Variants in KDSR observed in about 807,000 individuals in gnomAD.
KDSR encodes the protein 3-ketodihydrosphingosine reductase.
A neutral mutation model predicts 41.3 loss-of-function variants in KDSR; 23 were observed. That is an observed-to-expected ratio of 0.56 (90% CI 0.40 to 0.79). KDSR has a LOEUF of 0.79. Ranked by LOEUF, KDSR falls within the 30% of genes least tolerant of loss-of-function variation. The pLI is 0.00. For missense variants in KDSR, 351 were observed against 416.8 expected, an observed-to-expected ratio of 0.84 and a Z score of 1.37; for synonymous variants, 138 against 151.7, an observed-to-expected ratio of 0.91 and a Z score of 0.66.
At chr18:63,365,423 A>G (rs1210510137) in intron 1 of KDSR, among the ~76,000 whole-genome samples, 1 of 152,246 alleles carries the variant, frequency 6.6e-6, no homozygotes, top group East Asian at 1.9e-4. Flanking sequence ...TTATGACATT[A>G]AAAAAGAAGA....
At position 63,328,832 on chromosome 18, in the gene KDSR, T is replaced by A. The variant is rs1267611298; in HGVS notation, c.*2950A>T. The A allele has an allele frequency of 1.1e-5, 2 of 185,576 alleles. No homozygotes were observed. The highest frequency in any genetic ancestry group is 2.3e-5 in the Non-Finnish European group (2 of 87,784). The allele number at this position is 185,576 out of a possible 1,614,324, so 11.5% of individuals were successfully genotyped here. A position where few individuals can be genotyped will look rare whatever the true frequency, so the allele number is the denominator to read the frequency against. On this transcript the variant is annotated 3_prime_UTR_variant, in exon 10 of 10. Coordinates refer to ENST00000645214, the MANE Select transcript of KDSR (RefSeq NM_002035.4). ...TTTTAATATACTTGCAAATACATTATAATAAAATAATACAACCAAATCAAA... is the reference window on the plus strand; with the variant it reads ...TTTTAATATACTTGCAAATACATTAAAATAAAATAATACAACCAAATCAAA...
Position 63,331,880 on chromosome 18 carries a change from G to A in KDSR, c.901C>T (p.Arg301Cys), listed in dbSNP as rs750015953. 9.9e-6 allele frequency: 16 copies of A among 1,613,666 alleles called. No homozygotes were observed. The highest frequency in any genetic ancestry group is 2.2e-5 in the East Asian group (1 of 44,904). The stretch of plus-strand genomic sequence containing the variant: ...CCAAGGTAAAACAAAGCAATAGTGC[G>A]GAAAAGGCCCATGGTGACCACCTGC... ...LQQVVTMGLF[R>C]TIALFYLGSF... Residue 301 changes from arginine (R) to cysteine (C), a missense_variant, in exon 10 of 10, where the codon CGC (arginine) becomes TGC (cysteine). Transcript: ENST00000645214.
At chr18:63,355,471 T>G in intron 4 of KDSR, 27 bp downstream of exon 4, 1 of 1,613,584 alleles carries the variant, frequency 6.2e-7, no homozygotes, top group Non-Finnish European at 8.5e-7. Flanking sequence ...AGCACATTGG[T>G]GAATTCCAAT....
intron 6 of KDSR, among the ~76,000 whole-genome samples, chr18:63,350,353 C>A (rs1222617904): frequency 2.6e-5 from 4 of 152,178 alleles, no homozygotes; most frequent in Non-Finnish European, 4.4e-5. Context: ...CCCAACAATT[C>A]TTTAAGATAT....
rs1913875417 is a variant in KDSR, at chr18:63,328,462, C to G, written c.*3320G>C. ...CTGCCTCCTGGGTTCAAGCGATTCT[C>G]CTGCCTCAGCCTCCTGAGTAGCTGG... On this transcript the variant is annotated 3_prime_UTR_variant, in exon 10 of 10. Transcript: ENST00000645214. 6.4e-6 allele frequency: 1 copy of G among 155,210 alleles called. No homozygotes were observed. The highest frequency in any genetic ancestry group is 2.4e-5 in the African/African-American group (1 of 41,402). The allele number at this position is 155,210 out of a possible 1,614,324, so 9.6% of individuals were successfully genotyped here. A position where few individuals can be genotyped will look rare whatever the true frequency, so the allele number is the denominator to read the frequency against.
chr18:63,355,552 G>C lies in KDSR; in HGVS notation c.267C>G (p.Cys89Trp). The change falls in exon 4 of 10, where the codon TGC (cysteine) becomes TGG (tryptophan). Residue 89 changes from cysteine to tryptophan, a missense_variant. Transcript: ENST00000645214. ...HSINDKQVVL[C>W]ISVDVSQDYN... Reference sequence around the variant, plus strand: ...AGTCTTGAGATACATCAACTGATATGCAAAGCACCACCTGTTAAAAAAGAA... The same window carrying C: ...AGTCTTGAGATACATCAACTGATATCCAAAGCACCACCTGTTAAAAAAGAA... 6.3e-7 allele frequency: 1 copy of C among 1,593,330 alleles called. No individual in the cohort carries two copies. The highest frequency in any genetic ancestry group is 8.5e-7 in the Non-Finnish European group (1 of 1,174,550).
Position 63,355,202 on chromosome 18 carries a change from A to G in KDSR, c.417+2T>C. 2 of 1,600,460 alleles carry G rather than the reference A, an allele frequency of 1.2e-6. No homozygotes were observed. The highest frequency in any genetic ancestry group is 1.7e-6 in the Non-Finnish European group (2 of 1,167,886). ...CTGCAGTGAGCAAACATTTTTACTT[A>G]CTTCAAAGGTACTAACTTCAAGATC... is the stretch of plus-strand genomic sequence containing the variant. On this transcript the variant is annotated splice_donor_variant, in intron 5 of 9. Coordinates refer to ENST00000645214, the MANE Select transcript of KDSR (RefSeq NM_002035.4). LOFTEE classifies it high-confidence loss of function.
intron 6 of KDSR, among the ~76,000 whole-genome samples, chr18:63,350,033 CT>C (rs1297689018): frequency 6.6e-6 from 1 of 152,208 alleles, no homozygotes; most frequent in Non-Finnish European, 1.5e-5. Flanking sequence ...AGTGAATACT[CT>C]TCTGGGCTCT....
chr18:63,364,506 C>T (rs770526764), intron 1 of KDSR, among the ~76,000 whole-genome samples: 25 of 151,592 alleles, frequency 1.6e-4, no homozygotes, highest in Admixed American at 3.3e-4. Context: ...TGCAGTGGCA[C>T]GATCTCAGCT....
At chr18:63,343,479 C>T (rs925754144) in intron 7 of KDSR, among the ~76,000 whole-genome samples, 3 of 151,430 alleles carry the variant, frequency 2.0e-5, no homozygotes, top group Admixed American at 2.0e-4. Context: ...GCCTCAACCT[C>T]CCTGGCTCAA....
intron 2 of KDSR, among the ~76,000 whole-genome samples, chr18:63,361,880 T>C (rs1209018069): frequency 6.6e-6 from 1 of 152,184 alleles, no homozygotes; most frequent in Non-Finnish European, 1.5e-5. Context: ...ATTATTTAAA[T>C]TTTCCCCCAA....
chr18:63,365,622 A>C (rs2144386559), intron 1 of KDSR, among the ~76,000 whole-genome samples: 1 of 152,376 alleles, frequency 6.6e-6, no homozygotes, highest in East Asian at 1.9e-4. Context: ...GTCAAGGCTC[A>C]GTGAAACTGT....
chr18:63,359,703 T>C (rs200837963), intron 3 of KDSR, 33 bp downstream of exon 3: 7 of 1,417,916 alleles, frequency 4.9e-6, no homozygotes, highest in East Asian at 2.3e-5. Context: ...TGCTGAGTTA[T>C]ACAGAAAATG....
intron 6 of KDSR, among the ~76,000 whole-genome samples, chr18:63,349,059 A>G (rs1339970512): frequency 6.6e-6 from 1 of 152,204 alleles, no homozygotes; most frequent in South Asian, 2.1e-4. Flanking sequence ...GTGGCATCAC[A>G]ACATCTCCCT....
In KDSR at chr18:63,367,200, G is replaced by T; in HGVS notation, c.-82C>A. ...GCAGGGCTGGGCTGCGGCGAGGCGA[G>T]AATCACGCGCGGCGGGCGGGCGCCT... On this transcript the variant is annotated 5_prime_UTR_variant, in exon 1 of 10. Transcript: ENST00000645214. The T allele has an allele frequency of 1.5e-6, 1 of 668,174 alleles. No individual in the cohort carries two copies. Among genetic ancestry groups the T allele is most frequent in the Non-Finnish European group, 2.1e-6 (1 of 475,802 alleles). 41.4% of individuals were successfully genotyped at this position (668,174 alleles called of 1,614,324 possible).
intron 6 of KDSR, among the ~76,000 whole-genome samples, chr18:63,346,896 T>C (rs1914520015): frequency 6.6e-6 from 1 of 152,328 alleles, no homozygotes; most frequent in Non-Finnish European, 1.5e-5. Flanking sequence ...AATCTGAATA[T>C]ACTAAACCAC....
chr18:63,333,218 T>C (rs1401150550), intron 9 of KDSR, among the ~76,000 whole-genome samples: 6 of 152,124 alleles, frequency 3.9e-5, no homozygotes, highest in African/African-American at 1.4e-4. Context: ...TTGCTAGGAA[T>C]ACAGGTACAC....
chr18:63,366,330 CATT>C (rs1915134831), intron 1 of KDSR: 1 of 152,416 alleles, frequency 6.6e-6, no homozygotes, highest in African/African-American at 2.4e-5. Context: ...CAAAGGATTG[CATT>C]GGAGCAGCAA....
intron 7 of KDSR, among the ~76,000 whole-genome samples, chr18:63,344,131 T>C (rs1289095496): frequency 6.6e-6 from 1 of 152,180 alleles, no homozygotes. Flanking sequence ...TAGCCACGAT[T>C]GTACCACTGC....
Sources: gnomAD v4.1 joint callset for allele counts (sites outside exome capture counted in the v4.1 genomes callset) on GRCh38, gnomAD v4.1.1 for gene constraint, MANE v1.5 for transcripts, NCBI Gene and HGNC (gene_info 2026-07-23, HGNC 2026-07-21) for gene names.